Variants in BDP1 observed in about 807,000 individuals in gnomAD.
BDP1 encodes BDP1 general transcription factor IIIB subunit.
BDP1 carries 169 observed loss-of-function variants against 266.6 expected under a neutral mutation model. That is an observed-to-expected ratio of 0.63 (90% CI 0.56 to 0.72). The LOEUF (loss-of-function observed/expected upper bound fraction) is 0.72, where lower values mean the gene tolerates loss of function less well. BDP1 is among the 30% of genes least tolerant of loss of function. The pLI is 0.00. For synonymous variants in BDP1, 1,090 were observed against 1,022.4 expected (o/e 1.07, Z -1.26); for missense variants, 3,015 against 3,053.8 (o/e 0.99, Z 0.30).
At chr5:71,521,669 T>C (rs1219153225) in intron 22 of BDP1, among the ~76,000 whole-genome samples, 4 of 152,196 alleles carry the variant, frequency 2.6e-5, no homozygotes, top group African/African-American at 9.7e-5. Context: ...TAGATAGCTA[T>C]TCAGGTTACC....
intron 11 of BDP1, among the ~76,000 whole-genome samples, chr5:71,492,025 ATTT>A (rs945577663): frequency 2.6e-5 from 4 of 152,064 alleles, no homozygotes; most frequent in Non-Finnish European, 4.4e-5. Context: ...CTCATGCAGT[ATTT>A]TTCTTTCTGT....
chr5:71,529,670 A>G (rs1472965429), intron 25 of BDP1, among the ~76,000 whole-genome samples: 1 of 152,202 alleles, frequency 6.6e-6, no homozygotes, highest in East Asian at 1.9e-4. Flanking sequence ...TAGCCTGGAC[A>G]ACAGGAGGAG....
In BDP1 at chr5:71,553,429, T is replaced by C. The variant is rs1742997405; in HGVS notation, c.7200+109T>C. On this transcript the variant is annotated intron_variant, in intron 35 of 38. Transcript: ENST00000358731. ...TATTCTCTTTAAACTTTTAGATATA[T>C]ATAAAGATAGTTCTGACATTTATCA... is the stretch of plus-strand genomic sequence containing the variant. 3 of 680,176 alleles carry C rather than the reference T, an allele frequency of 4.4e-6. No homozygotes were observed. The African/African-American group carries it at 5.4e-5, about 12-fold the overall frequency. The allele number at this position is 680,176 out of a possible 1,614,324, so 42.1% of individuals were successfully genotyped here. A position where few individuals can be genotyped will look rare whatever the true frequency, so the allele number is the denominator to read the frequency against.
At chr5:71,469,163 G>A (rs544144807) in intron 6 of BDP1, among the ~76,000 whole-genome samples, 1 of 151,248 alleles carries the variant, frequency 6.6e-6, no homozygotes, top group East Asian at 2.0e-4. Flanking sequence ...TTTTGAGACC[G>A]AGTCTCACTC....
chr5:71,554,257 T>C (rs1743068590), intron 35 of BDP1, among the ~76,000 whole-genome samples: 1 of 152,252 alleles, frequency 6.6e-6, no homozygotes, highest in Non-Finnish European at 1.5e-5. Context: ...AAGAGCCATG[T>C]GTATTTCCTT....
the BDP1 span, among the ~76,000 whole-genome samples, chr5:71,574,537 T>C: frequency 6.6e-6 from 1 of 152,308 alleles, no homozygotes; most frequent in African/African-American, 2.4e-5. Flanking sequence ...ATCATGTTAG[T>C]TGGGGGAGAC....
intron 26 of BDP1, among the ~76,000 whole-genome samples, chr5:71,533,917 T>C (rs979719841): frequency 6.6e-6 from 1 of 152,222 alleles, no homozygotes; most frequent in African/African-American, 2.4e-5. Context: ...TTCAAATCTT[T>C]TGTCTGTTTT....
chr5:71,516,282 G>A lies in BDP1; in HGVS notation c.4860+11G>A. The A allele has an allele frequency of 6.3e-7, 1 of 1,598,648 alleles. No homozygotes were observed. The highest frequency in any genetic ancestry group is 8.5e-7 in the Non-Finnish European group (1 of 1,169,784). ...AAAGTCTTAACTGTGGTGAGTTATT[G>A]TTATGTAATTAAATTTAGCCTTTTA... On this transcript the variant is annotated intron_variant, in intron 21 of 38. Coordinates refer to ENST00000358731, the MANE Select transcript of BDP1 (RefSeq NM_018429.3).
At chr5:71,576,747 A>G in the BDP1 span, among the ~76,000 whole-genome samples, 38 of 152,334 alleles carry the variant, frequency 2.5e-4, no homozygotes, top group African/African-American at 8.7e-4. Flanking sequence ...TCTTCTTTAT[A>G]TAACACTGGG....
At chr5:71,534,283 C>T (rs573233564) in intron 26 of BDP1, among the ~76,000 whole-genome samples, 1 of 152,274 alleles carries the variant, frequency 6.6e-6, no homozygotes, top group Admixed American at 6.5e-5. Context: ...CATTATCCAA[C>T]TTATGTCTTT....
At chr5:71,486,979 A>G (rs2150402952) in intron 9 of BDP1, among the ~76,000 whole-genome samples, 1 of 152,356 alleles carries the variant, frequency 6.6e-6, no homozygotes, top group East Asian at 1.9e-4. Context: ...GATTAAAAAA[A>G]GGAACTCTAA....
At chr5:71,499,034 A>G (rs1764069572) in intron 13 of BDP1, among the ~76,000 whole-genome samples, 1 of 152,130 alleles carries the variant, frequency 6.6e-6, no homozygotes. Context: ...CAATAACTTT[A>G]TCTATGTATG....
chr5:71,458,903 G>A, intron 2 of BDP1, 48 bp downstream of exon 2: 1 of 1,539,992 alleles, frequency 6.5e-7, no homozygotes, highest in Non-Finnish European at 8.7e-7. Context: ...ATTTATGTTA[G>A]TAAGGAATCA....
At chr5:71,557,892 A>AT (rs911379362) in intron 36 of BDP1, among the ~76,000 whole-genome samples, 7 of 151,848 alleles carry the variant, frequency 4.6e-5, no homozygotes, top group Admixed American at 2.0e-4. Flanking sequence ...AGTTCTAGAG[A>AT]TTTTTTCAGG....
chr5:71,522,520 T>G lies in BDP1; in HGVS notation c.5193+30T>G, dbSNP rs146515669. 317 of 1,339,432 alleles carry G rather than the reference T, an allele frequency of 2.4e-4. 1 individual carries two copies. The East Asian group carries it at 6.4e-3, about 27-fold the overall frequency. 83.0% of individuals were successfully genotyped at this position (1,339,432 alleles called of 1,614,324 possible). A position where few individuals can be genotyped will look rare whatever the true frequency, so the allele number is the denominator to read the frequency against. ...GTTTGGGCAAAAAAAAAAAAAAAAT[T>G]TTTTTTCTCAATGAGGTCTGTTTTG... On this transcript the variant is annotated intron_variant, in intron 23 of 38. Transcript: ENST00000358731.
intron 16 of BDP1, among the ~76,000 whole-genome samples, chr5:71,507,514 T>G (rs1354898709): frequency 6.6e-6 from 1 of 152,222 alleles, no homozygotes; most frequent in African/African-American, 2.4e-5. Context: ...AATGAAATTA[T>G]TAATAAAGCC....
rs577243642 is a variant in BDP1 at position 71,515,205 on chromosome 5, T to C, written c.4649+83T>C. On this transcript the variant is annotated intron_variant, in intron 20 of 38. Transcript: ENST00000358731. Reference sequence around the variant, plus strand: ...TCTAATTTTTATTGAGATATGTTAATGCATTTAAAAAGTGAACATAAAGAA... The same window carrying C: ...TCTAATTTTTATTGAGATATGTTAACGCATTTAAAAAGTGAACATAAAGAA... The C allele has an allele frequency of 4.2e-5, 45 of 1,072,584 alleles. No homozygotes were observed. In the South Asian group the frequency reaches 7.6e-4, roughly 18 times the overall value. 66.4% of individuals were successfully genotyped at this position (1,072,584 alleles called of 1,614,324 possible). A position where few individuals can be genotyped will look rare whatever the true frequency, so the allele number is the denominator to read the frequency against.
Position 71,522,377 on chromosome 5 carries a change from A to G in BDP1, c.5080A>G (p.Ser1694Gly). Residue 1694 changes from serine to glycine, a missense_variant, in exon 23 of 39, where the codon AGT (serine) becomes GGT (glycine). Physicochemically the swap from Ser to Gly is moderately conservative, Grantham distance 56. Around this residue, in one of 3 missense-constraint regions of BDP1, gnomAD observed 2,383 missense variants for 2,404.9 expected, o/e 0.99. Coordinates refer to ENST00000358731, the MANE Select transcript of BDP1 (RefSeq NM_018429.3). The stretch of plus-strand genomic sequence containing the variant: ...TAAGCCAAATTTGGGAAGAGCACAC[A>G]GTAAGAAAGAGGAACCAGTTTTAGA... Reference protein sequence around the residue: ...KAKPNLGRAHSKKEEPVLEKV... With the variant: ...KAKPNLGRAHGKKEEPVLEKV... The G allele has an allele frequency of 6.2e-7, 1 of 1,613,978 alleles. No individual in the cohort carries two copies. Among genetic ancestry groups the G allele is most frequent in the Non-Finnish European group, 8.5e-7 (1 of 1,179,940 alleles).
chr5:71,508,837 G>T (rs1305480019), intron 16 of BDP1, among the ~76,000 whole-genome samples: 1 of 152,220 alleles, frequency 6.6e-6, no homozygotes, highest in Non-Finnish European at 1.5e-5. Flanking sequence ...GATAGTGGTT[G>T]TGTGCCCAGT....
Sources: allele counts gnomAD v4.1 joint callset (sites outside exome capture counted in the v4.1 genomes callset), GRCh38; gene constraint gnomAD v4.1.1; regional missense constraint gnomAD v4.1.1; transcripts MANE v1.5; gene names NCBI Gene and HGNC (gene_info 2026-07-23, HGNC 2026-07-21).